PLEKHM2: variants seen among roughly 807,000 people sequenced by gnomAD.
PLEKHM2 encodes the protein pleckstrin homology domain-containing family M member 2.
In PLEKHM2, 77 loss-of-function variants were observed where a neutral mutation model predicts 116.3. The ratio of observed to expected loss-of-function variants is 0.66; its 90% confidence interval spans 0.55 to 0.80. The LOEUF is 0.80. PLEKHM2 is among the 30% of genes least tolerant of loss of function. The pLI is 0.00. For missense variants in PLEKHM2, 1,183 were observed against 1,354.9 expected, an observed-to-expected ratio of 0.87 and a Z score of 1.99; for synonymous variants, 562 against 571.0, an observed-to-expected ratio of 0.98 and a Z score of 0.22.
chr1:15,717,753 T>C, intron 3 of PLEKHM2, 140 bp from the exon 4 acceptor site: 1 of 616,288 alleles, frequency 1.6e-6, no homozygotes, highest in Non-Finnish European at 2.9e-6. Context: ...TCAGGGGTTA[T>C]GGTACCCCAC....
chr1:15,683,416 C>T (rs1000220598), upstream of PLEKHM2, among the ~76,000 whole-genome samples: 15 of 151,278 alleles, frequency 9.9e-5, no homozygotes, highest in Non-Finnish European at 1.8e-4. Context: ...ACTGGGGTCT[C>T]CAAGGAGGGG....
At chr1:15,700,138 G>T (rs1021685058) in intron 1 of PLEKHM2, among the ~76,000 whole-genome samples, 2 of 152,204 alleles carry the variant, frequency 1.3e-5, no homozygotes, top group Non-Finnish European at 2.9e-5. Context: ...GGACATTCCT[G>T]ATGTGGTCCC....
In PLEKHM2 at chr1:15,727,240, G is replaced by A. The variant is rs550034610; in HGVS notation, c.1168G>A (p.Glu390Lys). ...CACCACGGAGAGCAGCGAGCGCTCC[G>A]AGCCGGGCCTGCTGATCCCTGAGAT... ...SSTTESSERS[E>K]PGLLIPEMKD... Residue 390 changes from glutamate (E) to lysine (K), a missense_variant, in exon 9 of 20, where the codon GAG (glutamate) becomes AAG (lysine). Glu to Lys is a moderately conservative substitution (Grantham distance 56). Around this residue, in one of 3 missense-constraint regions of PLEKHM2, gnomAD observed 372 missense variants for 357.2 expected, o/e 1.04. Coordinates refer to ENST00000375799, the MANE Select transcript of PLEKHM2 (RefSeq NM_015164.4). The surrounding 1 kb of genome is among the most constrained non-coding windows in gnomAD (Gnocchi z 7.5). 9.4e-6 allele frequency: 15 copies of A among 1,604,086 alleles called. No homozygotes were observed. The highest frequency in any genetic ancestry group is 4.5e-5 in the East Asian group (2 of 44,490).
chr1:15,729,687 C>T lies in PLEKHM2; in HGVS notation c.2076-110C>T, dbSNP rs939929407. 3.7e-5 allele frequency: 36 copies of T among 962,106 alleles called. No homozygotes were observed. Among genetic ancestry groups the T allele is most frequent in the Non-Finnish European group, 5.5e-5 (35 of 642,116 alleles). 59.6% of individuals were successfully genotyped at this position (962,106 alleles called of 1,614,324 possible). A position where few individuals can be genotyped will look rare whatever the true frequency, so the allele number is the denominator to read the frequency against. ...CTGGTCACTGGGTCTAGCCAGGTCT[C>T]TCCCCCAAGTTTCTGTGACCCCTCC... On this transcript the variant is annotated intron_variant, in intron 13 of 19. Coordinates refer to ENST00000375799, the MANE Select transcript of PLEKHM2 (RefSeq NM_015164.4). The surrounding 1 kb of genome is among the most constrained non-coding windows in gnomAD (Gnocchi z 4.7).
chr1:15,710,159 G>A (rs998085110), intron 1 of PLEKHM2, among the ~76,000 whole-genome samples: 6 of 149,746 alleles, frequency 4.0e-5, no homozygotes, highest in Admixed American at 3.3e-4. Context: ...CCTGGGAGGC[G>A]GAGCTTGCAG....
At chr1:15,707,247 C>T (rs1293918004) in intron 1 of PLEKHM2, among the ~76,000 whole-genome samples, 1 of 148,766 alleles carries the variant, frequency 6.7e-6, no homozygotes, top group Non-Finnish European at 1.5e-5. Flanking sequence ...CATAGCAAAA[C>T]TCCATCTCTA....
Position 15,727,190 on chromosome 1 carries a change from A to G in PLEKHM2, c.1118A>G (p.Gln373Arg), listed in dbSNP as rs1263111211. Residue 373 changes from glutamine to arginine, a missense_variant, in exon 9 of 20, where the codon CAG becomes CGG. Transcript: ENST00000375799. This position sits in a 1 kb window ranked among gnomAD's most constrained non-coding sequence, Gnocchi z 7.5. ...DSPDTMLASP[Q>R]EEGEGPSSTT... ...CCAGACACTATGCTTGCCTCCCCCC[A>G]GGAGGAGGGAGAGGGGCCGAGCAGC... The G allele has an allele frequency of 1.2e-6, 2 of 1,605,566 alleles. No individual in the cohort carries two copies. Among genetic ancestry groups the G allele is most frequent in the Admixed American group, 3.4e-5 (2 of 59,262 alleles).
At position 15,716,763 on chromosome 1, in the gene PLEKHM2, A is replaced by T. The variant is rs766233957; in HGVS notation, c.224A>T (p.Glu75Val). The change falls in exon 3 of 20, where the codon GAG (glutamate) becomes GTG (valine). Residue 75 changes from glutamate (E) to valine (V), a missense_variant. Glu to Val is a moderately radical substitution (Grantham distance 121). Around this residue, in one of 3 missense-constraint regions of PLEKHM2, gnomAD observed 217 missense variants for 277.6 expected, o/e 0.78. Transcript: ENST00000375799. ...WVLVVHFTRR[E>V]AIKQIEVLQH... The stretch of plus-strand genomic sequence containing the variant: ...CTCGTGGTGCATTTTACTCGGAGAG[A>T]GGCCATCAAGCAGATCGAGGTGCTG... The T allele has an allele frequency of 2.7e-5, 43 of 1,579,116 alleles. No homozygotes were observed. The highest frequency in any genetic ancestry group is 3.7e-5 in the Non-Finnish European group (43 of 1,162,412).
chr1:15,726,891 C>CT, intron 8 of PLEKHM2, 123 bp from the exon 9 acceptor site: 1 of 635,718 alleles, frequency 1.6e-6, no homozygotes, highest in South Asian at 2.5e-5. Context: ...TGCCTAGGAC[C>CT]ACTGACGCAC....
At chr1:15,688,164 C>T (rs1640810792) in intron 1 of PLEKHM2, among the ~76,000 whole-genome samples, 1 of 152,168 alleles carries the variant, frequency 6.6e-6, no homozygotes, top group African/African-American at 2.4e-5. Flanking sequence ...AACCACTATC[C>T]CCAAGGAGTA....
At chr1:15,684,027 G>A (rs1640702561), upstream of PLEKHM2, among the ~76,000 whole-genome samples, 1 of 150,662 alleles carries the variant, frequency 6.6e-6, no homozygotes, top group Non-Finnish European at 1.5e-5. Flanking sequence ...GTGTCTCTGG[G>A]GTCCCTGAAG....
At chr1:15,688,642 T>G (rs1438319747) in intron 1 of PLEKHM2, among the ~76,000 whole-genome samples, 2 of 131,442 alleles carry the variant, frequency 1.5e-5, no homozygotes. Flanking sequence ...AGAGGGAGAC[T>G]CTGTCTCAAA....
Position 15,720,357 on chromosome 1 carries a change from G to A in PLEKHM2, c.652+437G>A. On this transcript the variant is annotated intron_variant, in intron 6 of 19. Transcript: ENST00000375799. ...CCTAGAAGAAGAGAGAACCAGGCAG[G>A]TCTGAAGCGCAGGGAAACCTTGCCA... 3.0e-6 allele frequency: 3 copies of A among 985,232 alleles called. No individual in the cohort carries two copies. The South Asian group carries it at 1.4e-4, about 46-fold the overall frequency. The allele number at this position is 985,232 out of a possible 1,614,324, so 61.0% of individuals were successfully genotyped here. A position where few individuals can be genotyped will look rare whatever the true frequency, so the allele number is the denominator to read the frequency against.
chr1:15,716,642 A>C, intron 2 of PLEKHM2, 65 bp from the exon 3 acceptor site: 1 of 1,527,470 alleles, frequency 6.5e-7, no homozygotes, highest in East Asian at 2.5e-5. Flanking sequence ...CTGCTGGACC[A>C]GCCGACTGCA....
chr1:15,731,126 AC>A, intron 15 of PLEKHM2, 65 bp from the exon 16 acceptor site: 1 of 1,184,864 alleles, frequency 8.4e-7, no homozygotes, highest in Non-Finnish European at 1.2e-6. Flanking sequence ...GAACCCTGGG[AC>A]CTGGGCTCCG....
Position 15,734,146 on chromosome 1 carries a change from G to T in PLEKHM2, c.*212G>T. 1.7e-6 allele frequency: 1 copy of T among 581,022 alleles called. No homozygotes were observed. Among genetic ancestry groups the T allele is most frequent in the Non-Finnish European group, 3.0e-6 (1 of 335,578 alleles). The allele number at this position is 581,022 out of a possible 1,614,324, so 36.0% of individuals were successfully genotyped here. A position where few individuals can be genotyped will look rare whatever the true frequency, so the allele number is the denominator to read the frequency against. ...CCCTGGGCATCCTGCCCGACAGGTAGCGAATGGAGGTCGCTGGGGGCAGAG... is the reference window on the plus strand; with the variant it reads ...CCCTGGGCATCCTGCCCGACAGGTATCGAATGGAGGTCGCTGGGGGCAGAG... On this transcript the variant is annotated 3_prime_UTR_variant, in exon 20 of 20. Transcript: ENST00000375799.
upstream of PLEKHM2, chr1:15,683,278 G>A (rs1640683798): frequency 6.5e-6 from 1 of 153,034 alleles, no homozygotes; most frequent in Non-Finnish European, 1.5e-5. Flanking sequence ...GGGTCCTCCA[G>A]GCTGCGAAAG....
At chr1:15,685,541 G>GAAAAAAAAAAAAAAAAAAACAAA (rs200301672) in intron 1 of PLEKHM2, among the ~76,000 whole-genome samples, 1 of 73,510 alleles carries the variant, frequency 1.4e-5, no homozygotes. Flanking sequence ...CTCAGAAACT[G>GAAAAAAAAAAAAAAAAAAACAAA]AAAAAAAAAA....
chr1:15,718,634 C>T lies in PLEKHM2; in HGVS notation c.465+9C>T. 6.6e-7 allele frequency: 1 copy of T among 1,524,028 alleles called. No homozygotes were observed. The highest frequency in any genetic ancestry group is 8.9e-7 in the Non-Finnish European group (1 of 1,120,090). 94.4% of individuals were successfully genotyped at this position (1,524,028 alleles called of 1,614,324 possible). On this transcript the variant is annotated intron_variant, in intron 5 of 19. Coordinates refer to ENST00000375799, the MANE Select transcript of PLEKHM2 (RefSeq NM_015164.4). ...GTTTCGAGCTGGATCTGGTGAGACA[C>T]CAGGGCTCTCACTGCTTGTGGGAAG...
Sources: allele counts gnomAD v4.1 joint callset (sites outside exome capture counted in the v4.1 genomes callset), GRCh38; gene constraint gnomAD v4.1.1; regional missense constraint gnomAD v4.1.1; non-coding constraint Gnocchi (gnomAD v3.1); transcripts MANE v1.5; gene names NCBI Gene and HGNC (gene_info 2026-07-23, HGNC 2026-07-21).